SCEL: variants seen among roughly 807,000 people sequenced by gnomAD.
SCEL encodes sciellin.
In SCEL, 113 loss-of-function variants were observed where a neutral mutation model predicts 117.6. That is an observed-to-expected ratio of 0.96 (90% CI 0.83 to 1.12). The LOEUF (loss-of-function observed/expected upper bound fraction) is 1.12, where lower values mean the gene tolerates loss of function less well. Among genes scored for constraint, SCEL ranks in the 50% most tolerant of loss-of-function variants. SCEL has a pLI of 0.00. For missense variants in SCEL, 785 were observed against 810.8 expected, an observed-to-expected ratio of 0.97 and a Z score of 0.39; for synonymous variants, 270 against 256.2, an observed-to-expected ratio of 1.05 and a Z score of -0.51.
At chr13:77,607,477 T>C (rs574582558) in intron 19 of SCEL, among the ~76,000 whole-genome samples, 1 of 152,372 alleles carries the variant, frequency 6.6e-6, no homozygotes, top group South Asian at 2.1e-4. Flanking sequence ...CAAAAACAAC[T>C]AGTCAAAATT....
intron 3 of SCEL, among the ~76,000 whole-genome samples, chr13:77,558,212 A>G (rs2084768258): frequency 6.6e-6 from 1 of 152,226 alleles, no homozygotes; most frequent in South Asian, 2.1e-4. Context: ...TATGCCAGGC[A>G]TGCTTTCCCA....
At chr13:77,592,548 T>C (rs990329163) in intron 11 of SCEL, among the ~76,000 whole-genome samples, 5 of 149,456 alleles carry the variant, frequency 3.3e-5, no homozygotes, top group Non-Finnish European at 7.4e-5. Flanking sequence ...TTTCTTTTCT[T>C]CTTCTTCTTC....
chr13:77,581,607 A>G (rs1231811207), intron 9 of SCEL, among the ~76,000 whole-genome samples: 1 of 152,196 alleles, frequency 6.6e-6, no homozygotes, highest in Non-Finnish European at 1.5e-5. Context: ...TAGGATAAAG[A>G]AAGAAGCTAG....
chr13:77,572,470 G>A (rs989457164), intron 9 of SCEL, among the ~76,000 whole-genome samples: 4 of 152,196 alleles, frequency 2.6e-5, no homozygotes, highest in African/African-American at 9.7e-5. Flanking sequence ...GCCACAGACT[G>A]CCACGAAGTG....
chr13:77,584,014 T>A (rs994492669), intron 9 of SCEL, among the ~76,000 whole-genome samples: 1 of 152,236 alleles, frequency 6.6e-6, no homozygotes, highest in Non-Finnish European at 1.5e-5. Context: ...AAGCTCATCA[T>A]GATAGCCACT....
Position 77,609,088 on chromosome 13 carries a change from G to A in SCEL, c.1248G>A (p.Val416=). ...AAGACCTTAATAACTTCATCAAAGTGTATCCAGGAACAGAAAAAAGTACTG... is the reference window on the plus strand; with the variant it reads ...AAGACCTTAATAACTTCATCAAAGTATATCCAGGAACAGAAAAAAGTACTG... ...GSKDLNNFIK[V]YPGTEKSTEG... Residue 416 remains valine, a synonymous_variant, in exon 21 of 33, where the codon GTG becomes GTA. Coordinates refer to ENST00000349847, the MANE Select transcript of SCEL (RefSeq NM_144777.3). The A allele has an allele frequency of 6.3e-7, 1 of 1,596,914 alleles. No individual in the cohort carries two copies. Among genetic ancestry groups the A allele is most frequent in the Non-Finnish European group, 8.5e-7 (1 of 1,175,622 alleles).
intron 1 of SCEL, among the ~76,000 whole-genome samples, chr13:77,553,104 G>T (rs1038948707): frequency 1.3e-5 from 2 of 152,138 alleles, no homozygotes; most frequent in East Asian, 1.9e-4. Flanking sequence ...ATAGTCACCT[G>T]CTGAGATACT....
intron 5 of SCEL, among the ~76,000 whole-genome samples, chr13:77,567,358 G>A (rs2085346181): frequency 6.6e-6 from 1 of 152,172 alleles, no homozygotes; most frequent in Admixed American, 6.5e-5. Context: ...GGAGGCTGAG[G>A]CAGTAGAATA....
chr13:77,537,363 C>A (rs1016529954), intron 1 of SCEL, among the ~76,000 whole-genome samples: 4 of 152,134 alleles, frequency 2.6e-5, no homozygotes, highest in African/African-American at 9.7e-5. Flanking sequence ...GATTGCTTGT[C>A]TTTTGTCTTA....
Position 77,640,795 on chromosome 13 carries a change from G to C in SCEL, c.1947+11G>C. 6.2e-6 allele frequency: 8 copies of C among 1,290,984 alleles called. No homozygotes were observed. The highest frequency in any genetic ancestry group is 6.6e-6 in the Non-Finnish European group (6 of 905,308). 80.0% of individuals were successfully genotyped at this position (1,290,984 alleles called of 1,614,324 possible). A position where few individuals can be genotyped will look rare whatever the true frequency, so the allele number is the denominator to read the frequency against. ...TCTACTTGCTTTAAGGTAAGGATGT[G>C]TTTATTTCACTTAATTAAATAAAAA... On this transcript the variant is annotated intron_variant, in intron 31 of 32. Coordinates refer to ENST00000349847, the MANE Select transcript of SCEL (RefSeq NM_144777.3).
intron 24 of SCEL, among the ~76,000 whole-genome samples, chr13:77,616,438 A>T (rs1275787845): frequency 1.3e-5 from 2 of 152,056 alleles, no homozygotes; most frequent in Non-Finnish European, 2.9e-5. Flanking sequence ...CAATTTACAT[A>T]AGGAGATTAT....
chr13:77,638,319 A>T (rs2154407054), intron 30 of SCEL, among the ~76,000 whole-genome samples: 1 of 152,306 alleles, frequency 6.6e-6, no homozygotes, highest in East Asian at 1.9e-4. Flanking sequence ...CACCTCTTTG[A>T]GTAGTAAAGT....
At chr13:77,556,551 C>T in intron 2 of SCEL, 45 bp from the exon 3 acceptor site, 1 of 1,530,610 alleles carries the variant, frequency 6.5e-7, no homozygotes, top group Non-Finnish European at 9.1e-7. Flanking sequence ...CCACGCTCAA[C>T]TCCACACTAT....
In SCEL at chr13:77,588,595, G is replaced by A. The variant is rs140212822; in HGVS notation, c.546-549G>A. Among the ~76,000 whole-genome samples, 6 of 152,266 alleles carry A rather than the reference G, an allele frequency of 3.9e-5. No individual in the cohort carries two copies. In the East Asian group the frequency reaches 1.2e-3, roughly 29 times the overall value. On this transcript the variant is annotated intron_variant, in intron 9 of 32. Coordinates refer to ENST00000349847, the MANE Select transcript of SCEL (RefSeq NM_144777.3). ...GACTGCTGTGGTGCTTCATTGGAAA[G>A]TTTAGGCTGACGGTAGATTGTATAT...
chr13:77,593,298 CTGTG>C (rs112759213), intron 11 of SCEL, among the ~76,000 whole-genome samples: 2 of 73,676 alleles, frequency 2.7e-5, no homozygotes, highest in African/African-American at 5.9e-5. Flanking sequence ...GTGTGTGTGT[CTGTG>C]TGTGTGTGTG....
At chr13:77,617,079 A>T (rs2089108253) in intron 24 of SCEL, among the ~76,000 whole-genome samples, 1 of 152,180 alleles carries the variant, frequency 6.6e-6, no homozygotes, top group Non-Finnish European at 1.5e-5. Context: ...GACAGTTTTC[A>T]GAGTATGTAA....
At chr13:77,590,524 T>G (rs954190819) in intron 10 of SCEL, among the ~76,000 whole-genome samples, 3 of 152,098 alleles carry the variant, frequency 2.0e-5, no homozygotes, top group African/African-American at 7.2e-5. Flanking sequence ...CTAAAATTAA[T>G]TGGCCTTAGT....
intron 19 of SCEL, 28 bp from the exon 20 acceptor site, chr13:77,608,028 T>C: frequency 6.3e-6 from 10 of 1,575,476 alleles, no homozygotes; most frequent in Non-Finnish European, 7.8e-6. Context: ...GTGTTGTCAA[T>C]CTTAACCATT....
intron 19 of SCEL, among the ~76,000 whole-genome samples, chr13:77,607,053 A>G (rs556909613): frequency 6.6e-6 from 1 of 152,214 alleles, no homozygotes; most frequent in East Asian, 1.9e-4. Context: ...TATTTTATTT[A>G]TTTCTGAGAC....
Sources: allele counts gnomAD v4.1 joint callset (sites outside exome capture counted in the v4.1 genomes callset), GRCh38; gene constraint gnomAD v4.1.1; transcripts MANE v1.5; gene names NCBI Gene and HGNC (gene_info 2026-07-23, HGNC 2026-07-21).